The following PPP1R11 variants were observed in gnomAD, a reference collection of about 807,000 sequenced individuals.
The protein encoded by PPP1R11 is protein phosphatase 1 regulatory inhibitor subunit 11.
PPP1R11 carries 10 observed loss-of-function variants against 11.3 expected under a neutral mutation model. The ratio of observed to expected loss-of-function variants is 0.88; its 90% CI spans 0.55 to 1.50. The LOEUF is 1.50. PPP1R11 is among the 40% of genes most tolerant of loss of function. The pLI is 0.00. For synonymous variants in PPP1R11, 56 were observed against 62.3 expected, an observed-to-expected ratio of 0.90 and a Z score of 0.48; for missense variants, 114 against 179.1, an observed-to-expected ratio of 0.64 and a Z score of 2.07.
Position 30,069,181 on chromosome 6 carries a change from G to A in PPP1R11, c.256G>A (p.Gly86Ser). 6.2e-7 allele frequency: 1 copy of A among 1,612,560 alleles called. No individual in the cohort carries two copies. The highest frequency in any genetic ancestry group is 1.3e-5 in the African/African-American group (1 of 74,992). The part of the protein sequence containing the change: ...ESDEEEEEGC[G>S]HTHCVRGHRK... ...TGATGAGGAGGAAGAAGAGGGCTGT[G>A]GTCATACACACTGTGTACGTGGCCA... Residue 86 changes from glycine to serine, a missense_variant, in exon 3 of 3, where the codon GGT becomes AGT. Gly to Ser is a moderately conservative substitution (Grantham distance 56). Transcript: ENST00000376772. The surrounding 1 kb of genome is among the most constrained non-coding windows in gnomAD (Gnocchi z 6.6).
upstream of PPP1R11, chr6:30,062,396 A>T: frequency 1.7e-6 from 2 of 1,182,862 alleles, no homozygotes; most frequent in Non-Finnish European, 2.5e-6. Context: ...CCAGTGATTT[A>T]TTTTTTTGTA....
upstream of PPP1R11, among the ~76,000 whole-genome samples, chr6:30,065,419 A>G (rs1765433243): frequency 1.3e-5 from 2 of 152,178 alleles, no homozygotes; most frequent in Non-Finnish European, 2.9e-5. The surrounding 1 kb of genome is among the most constrained non-coding windows in gnomAD (Gnocchi z 5.3). Context: ...ACTTCTACTT[A>G]ATGAATAGTA....
In PPP1R11 at chr6:30,068,684, G is replaced by A; in HGVS notation, c.164G>A (p.Arg55His). 2.5e-6 allele frequency: 4 copies of A among 1,612,514 alleles called. No individual in the cohort carries two copies. Among genetic ancestry groups the A allele is most frequent in the East Asian group, 2.2e-5 (1 of 44,876 alleles). ...ACTGTGGACAATGAACACATGGGCC[G>A]CCGCTCATCCAAATGTGAGTAATTG... Reference protein sequence around the residue: ...SDTVDNEHMGRRSSKCCCIYE... With the variant: ...SDTVDNEHMGHRSSKCCCIYE... The change falls in exon 2 of 3, where the codon CGC becomes CAC. Residue 55 changes from arginine (R) to histidine (H), a missense_variant. By Grantham distance (29) the Arg-to-His change is conservative (BLOSUM62 0). Transcript: ENST00000376772.
chr6:30,068,953 TG>T, intron 2 of PPP1R11, 150 bp from the exon 3 acceptor site: 1 of 808,962 alleles, frequency 1.2e-6, no homozygotes, highest in Non-Finnish European at 2.0e-6. Context: ...ACAAGAGGGG[TG>T]GGGCCTGAGT....
upstream of PPP1R11, among the ~76,000 whole-genome samples, chr6:30,063,765 C>T (rs1279180009): frequency 6.6e-6 from 1 of 152,022 alleles, no homozygotes; most frequent in Non-Finnish European, 1.5e-5. The surrounding 1 kb of genome is among the most constrained non-coding windows in gnomAD (Gnocchi z 4.1). Flanking sequence ...TTTCTAGGTG[C>T]CTTGAAGCAC....
rs758343304 is a variant in PPP1R11 at position 30,067,334 on chromosome 6, C to G, written c.-77C>G. The G allele has an allele frequency of 6.8e-7, 1 of 1,460,600 alleles. No homozygotes were observed. Among genetic ancestry groups the G allele is most frequent in the Non-Finnish European group, 9.6e-7 (1 of 1,044,444 alleles). The allele number at this position is 1,460,600 out of a possible 1,614,324, so 90.5% of individuals were successfully genotyped here. A position where few individuals can be genotyped will look rare whatever the true frequency, so the allele number is the denominator to read the frequency against. ...CCACTCTGAATCCGATACCGCTTCT[C>G]TTAGACCTCAGCGACAGAAAAAGGG... On this transcript the variant is annotated 5_prime_UTR_variant, in exon 1 of 3. Coordinates refer to ENST00000376772, the MANE Select transcript of PPP1R11 (RefSeq NM_021959.3).
chr6:30,061,956 A>G (rs2127289961), upstream of PPP1R11: 2 of 1,612,970 alleles, frequency 1.2e-6, no homozygotes, highest in South Asian at 1.1e-5. The surrounding 1 kb of genome is among the most constrained non-coding windows in gnomAD (Gnocchi z 5.0). Flanking sequence ...GTTGTGTTCC[A>G]CCAACTGGGG....
At chr6:30,064,397 T>C (rs1765346895), upstream of PPP1R11, among the ~76,000 whole-genome samples, 1 of 152,004 alleles carries the variant, frequency 6.6e-6, no homozygotes, top group Admixed American at 6.5e-5. Context: ...TTTAAGTTTT[T>C]ATAAGGTTCA....
chr6:30,068,167 TTTTG>T lies in PPP1R11; in HGVS notation c.70-415_70-412del, dbSNP rs1765671092. On this transcript the variant is annotated intron_variant, in intron 1 of 2. Transcript: ENST00000376772. ...GGCTGGAGCTTGAGAATGAGAGAGG[TTTTG>T]TTTGTTTTTTTAAGAGAAAAAGAAT... 6.5e-5 allele frequency: 10 copies of T among 154,234 alleles called. No individual in the cohort carries two copies. The South Asian group carries it at 1.8e-3, about 28-fold the overall frequency. The allele number at this position is 154,234 out of a possible 1,614,324, so 9.6% of individuals were successfully genotyped here. A position where few individuals can be genotyped will look rare whatever the true frequency, so the allele number is the denominator to read the frequency against.
Position 30,069,319 on chromosome 6 carries a change from T to C in PPP1R11, c.*13T>C, listed in dbSNP as rs1268474344. 1 of 1,517,856 alleles carries C rather than the reference T, an allele frequency of 6.6e-7. No individual in the cohort carries two copies. Among genetic ancestry groups the C allele is most frequent in the South Asian group, 1.2e-5 (1 of 84,318 alleles). The allele number at this position is 1,517,856 out of a possible 1,614,324, so 94.0% of individuals were successfully genotyped here. On this transcript the variant is annotated 3_prime_UTR_variant, in exon 3 of 3. Transcript: ENST00000376772. The surrounding 1 kb of genome is among the most constrained non-coding windows in gnomAD (Gnocchi z 6.6). ...AATGCAGCACTAAATCCCTCTCTCC[T>C]CCAGCATTCCTGTGTCTGTCTGGCC...
Position 30,068,658 on chromosome 6 carries a change from C to T in PPP1R11, c.138C>T (p.Asp46=), listed in dbSNP as rs768217213. Residue 46 remains aspartate, a synonymous_variant, in exon 2 of 3, where the codon GAC becomes GAT. Coordinates refer to ENST00000376772, the MANE Select transcript of PPP1R11 (RefSeq NM_021959.3). ...AGAAAAAGGTAGAATGGACAAGTGA[C>T]ACTGTGGACAATGAACACATGGGCC... ...KPEKKVEWTS[D]TVDNEHMGRR... 12 of 1,612,884 alleles carry T rather than the reference C, an allele frequency of 7.4e-6. 1 individual carries two copies. In the South Asian group the frequency reaches 8.8e-5, roughly 12 times the overall value.
the PPP1R11 span, chr6:30,061,422 T>G: frequency 1.4e-6 from 2 of 1,381,472 alleles, no homozygotes; most frequent in Non-Finnish European, 2.0e-6. The surrounding 1 kb of genome is among the most constrained non-coding windows in gnomAD (Gnocchi z 5.0). Context: ...GGGTTCGGGT[T>G]ATATACTCCT....
At chr6:30,068,831 G>A in intron 2 of PPP1R11, 133 bp downstream of exon 2, 2 of 848,132 alleles carry the variant, frequency 2.4e-6, no homozygotes, top group Non-Finnish European at 3.6e-6. Context: ...GTGGTGCTGT[G>A]GTATCAGGGA....
chr6:30,067,165 C>T, upstream of PPP1R11: 1 of 452,868 alleles, frequency 2.2e-6, no homozygotes, highest in Non-Finnish European at 4.0e-6. Context: ...GCATTTGGTG[C>T]CGTGGAAGGG....
rs768570003 is a variant in PPP1R11 at position 30,069,530 on chromosome 6, G to A, written c.*224G>A. ...CCAATACCCACCCTTCTCTCTCGAG[G>A]GATCTAGGCACCTTGGTCCCAGTGT... On this transcript the variant is annotated 3_prime_UTR_variant, in exon 3 of 3. Transcript: ENST00000376772. The surrounding 1 kb of genome is among the most constrained non-coding windows in gnomAD (Gnocchi z 6.6). 4.5e-6 allele frequency: 2 copies of A among 448,864 alleles called. No homozygotes were observed. The highest frequency in any genetic ancestry group is 1.2e-4 in the South Asian group (2 of 16,354). The allele number at this position is 448,864 out of a possible 1,614,324, so 27.8% of individuals were successfully genotyped here.
chr6:30,067,569 A>C (rs1765632853), intron 1 of PPP1R11, 90 bp downstream of exon 1: 1 of 1,469,934 alleles, frequency 6.8e-7, no homozygotes, highest in Admixed American at 1.7e-5. Flanking sequence ...TGGAGGAGCT[A>C]GGCCTAGGGA....
chr6:30,068,976 G>A, intron 2 of PPP1R11, 128 bp from the exon 3 acceptor site: 1 of 998,308 alleles, frequency 1.0e-6, no homozygotes, highest in Admixed American at 2.2e-5. Flanking sequence ...CCAGAGGGTG[G>A]GCCTGGGGAA....
chr6:30,066,701 T>C (rs902695905), upstream of PPP1R11: 1 of 152,316 alleles, frequency 6.6e-6, no homozygotes, highest in Non-Finnish European at 1.5e-5. Flanking sequence ...ACTGAACTGC[T>C]CAAACACCTA....
chr6:30,065,412 T>A (rs1429034246), upstream of PPP1R11, among the ~76,000 whole-genome samples: 1 of 152,224 alleles, frequency 6.6e-6, no homozygotes, highest in Non-Finnish European at 1.5e-5. The surrounding 1 kb of genome is among the most constrained non-coding windows in gnomAD (Gnocchi z 5.3). Context: ...GTGATCCACT[T>A]CTACTTAATG....
Sources: gnomAD v4.1 joint callset for allele counts (sites outside exome capture counted in the v4.1 genomes callset) on GRCh38, gnomAD v4.1.1 for gene constraint, Gnocchi (gnomAD v3.1) non-coding constraint, MANE v1.5 for transcripts, NCBI Gene and HGNC (gene_info 2026-07-23, HGNC 2026-07-21) for gene names.